Variants in VPS13B observed in about 807,000 individuals in gnomAD.
VPS13B encodes the protein vacuolar protein sorting 13 homolog B, also known as intermembrane lipid transfer protein VPS13B.
A neutral mutation model predicts 426.4 loss-of-function variants in VPS13B; 285 were observed. That is an observed-to-expected ratio of 0.67 (90% CI 0.61 to 0.74). The LOEUF (loss-of-function observed/expected upper bound fraction) is 0.74. Ranked by LOEUF, VPS13B falls within the 30% of genes least tolerant of loss-of-function variation. The pLI is 0.00. For missense variants in VPS13B, 4,537 were observed against 4,782.6 expected, an observed-to-expected ratio of 0.95 and a Z score of 1.51; for synonymous variants, 1,676 against 1,676.4, an observed-to-expected ratio of 1.00 and a Z score of 0.01.
rs118158347 is a variant in VPS13B at position 99,467,484 on chromosome 8, A to G, written c.3516A>G (p.Thr1172=). Residue 1172 remains threonine (T), a synonymous_variant, in exon 24 of 62, where the codon ACA becomes ACG. Coordinates refer to ENST00000357162, the MANE Select transcript of VPS13B (RefSeq NM_152564.5). Reference sequence around the variant, plus strand: ...ATACCCTTCTTGGAAAACAAGTGACACTTTGCCTAGTGGAACCTATGGGTT... The same window carrying G: ...ATACCCTTCTTGGAAAACAAGTGACGCTTTGCCTAGTGGAACCTATGGGTT... ...SIYTLLGKQV[T]LCLVEPMGCT... The G allele has an allele frequency of 1.7e-3, 2,709 of 1,613,748 alleles. 4 individuals are homozygous for G. Among genetic ancestry groups the G allele is most frequent in the Non-Finnish European group, 2.2e-3 (2,589 of 1,179,782 alleles).
In VPS13B at chr8:99,144,734, G is replaced by A. The variant is rs572216501; in HGVS notation, c.1843+1569G>A. Among the ~76,000 whole-genome samples, 12 of 152,246 alleles carry A rather than the reference G, an allele frequency of 7.9e-5. No homozygotes were observed. In the South Asian group the frequency reaches 2.5e-3, roughly 32 times the overall value. On this transcript the variant is annotated intron_variant, in intron 13 of 61. Coordinates refer to ENST00000357162, the MANE Select transcript of VPS13B (RefSeq NM_152564.5). The stretch of plus-strand genomic sequence containing the variant: ...CTACCCTGTGCCAGACATTCTTTAT[G>A]TGCTAGGATAGTATAGCAAACAAGA...
chr8:99,568,053 A>G (rs1382480264), intron 31 of VPS13B, among the ~76,000 whole-genome samples: 2 of 152,132 alleles, frequency 1.3e-5, no homozygotes, highest in Non-Finnish European at 2.9e-5. Context: ...GTGTTTTAGG[A>G]AGAGCAAAGA....
At chr8:99,477,309 A>G (rs1819749083) in intron 24 of VPS13B, among the ~76,000 whole-genome samples, 1 of 152,164 alleles carries the variant, frequency 6.6e-6, no homozygotes, top group African/African-American at 2.4e-5. Context: ...ATGTCTCAGA[A>G]TTTCTTTCTT....
chr8:99,245,876 A>G (rs542252755), intron 17 of VPS13B, among the ~76,000 whole-genome samples: 34 of 152,322 alleles, frequency 2.2e-4, no homozygotes, highest in African/African-American at 6.3e-4. Context: ...ACAAAGCGGT[A>G]TGATTATTTT....
chr8:99,797,096 A>G (rs1812874180), intron 43 of VPS13B: 2 of 152,182 alleles, frequency 1.3e-5, no homozygotes, highest in African/African-American at 4.8e-5. Context: ...ATGAAGATGG[A>G]CATGAATATG....
At chr8:99,170,254 T>G (rs1269228721) in intron 16 of VPS13B, 91 bp downstream of exon 16, 5 of 1,476,066 alleles carry the variant, frequency 3.4e-6, no homozygotes, top group Non-Finnish European at 4.6e-6. Flanking sequence ...ATGCCCATGC[T>G]AGTTTTATAC....
At chr8:99,256,433 A>T (rs981851409) in intron 17 of VPS13B, among the ~76,000 whole-genome samples, 1 of 152,198 alleles carries the variant, frequency 6.6e-6, no homozygotes, top group African/African-American at 2.4e-5. Flanking sequence ...TTGCTGGATC[A>T]TATGGTAGTT....
chr8:99,229,845 C>T (rs1400969590), intron 17 of VPS13B, among the ~76,000 whole-genome samples: 7 of 152,118 alleles, frequency 4.6e-5, no homozygotes, highest in Non-Finnish European at 1.5e-5. Flanking sequence ...GGGTTTCAAC[C>T]AAAGGAGTGA....
chr8:99,655,316 TA>T (rs1829983125), intron 34 of VPS13B, among the ~76,000 whole-genome samples: 1 of 152,226 alleles, frequency 6.6e-6, no homozygotes, highest in Non-Finnish European at 1.5e-5. Context: ...CACTGAATCT[TA>T]AAAAGCCAAG....
chr8:99,266,271 G>T (rs983849226), intron 17 of VPS13B, among the ~76,000 whole-genome samples: 2 of 151,940 alleles, frequency 1.3e-5, no homozygotes, highest in Non-Finnish European at 2.9e-5. Context: ...AAAAACAGGT[G>T]TGATAGAGTA....
chr8:99,115,875 G>A lies in VPS13B; in HGVS notation c.937+1G>A. The A allele has an allele frequency of 6.2e-7, 1 of 1,611,394 alleles. No individual in the cohort carries two copies. The highest frequency in any genetic ancestry group is 8.5e-7 in the Non-Finnish European group (1 of 1,179,206). ...AAAGATATGCTAGGAAACATTACAG[G>A]TAATGTAAAACTTTATTAAACAAAA... On this transcript the variant is annotated splice_donor_variant, in intron 7 of 61. Transcript: ENST00000357162. LOFTEE classifies it high-confidence loss of function.
chr8:99,833,302 A>G (rs1363071779), intron 52 of VPS13B, among the ~76,000 whole-genome samples: 1 of 152,214 alleles, frequency 6.6e-6, no homozygotes, highest in African/African-American at 2.4e-5. Flanking sequence ...TTGCATGTAA[A>G]ATGTCCCTTC....
At chr8:99,126,196 G>A (rs1588066470) in intron 8 of VPS13B, among the ~76,000 whole-genome samples, 4 of 152,204 alleles carry the variant, frequency 2.6e-5, no homozygotes, top group African/African-American at 2.4e-5. Context: ...AGGTGATAGC[G>A]GTTTTTGAAA....
chr8:99,135,616 T>C lies in VPS13B; in HGVS notation c.1446T>C (p.Cys482=). The C allele has an allele frequency of 2.5e-6, 4 of 1,613,350 alleles. No homozygotes were observed. The highest frequency in any genetic ancestry group is 3.4e-6 in the Non-Finnish European group (4 of 1,179,478). ...TTCAGGAAGCCTGTTTCTTCATTTG[T>C]GGTGACAATTTGAGTACGAAAGGTT... ...RSETEACFFI[C]GDNLSTKGFT... Residue 482 remains cysteine (C), a synonymous_variant, in exon 11 of 62, where the codon TGT becomes TGC. Transcript: ENST00000357162.
intron 5 of VPS13B, among the ~76,000 whole-genome samples, chr8:99,104,339 A>G (rs925515959): frequency 5.9e-5 from 9 of 152,240 alleles, no homozygotes; most frequent in African/African-American, 2.2e-4. Flanking sequence ...ATTGTTATGC[A>G]GTGCATGACT....
chr8:99,366,213 T>A (rs1812878464), intron 19 of VPS13B, among the ~76,000 whole-genome samples: 1 of 152,186 alleles, frequency 6.6e-6, no homozygotes, highest in Non-Finnish European at 1.5e-5. Context: ...CTACCTTTTA[T>A]TGTGTTGGGG....
At chr8:99,257,453 C>G (rs755465449) in intron 17 of VPS13B, among the ~76,000 whole-genome samples, 2 of 152,056 alleles carry the variant, frequency 1.3e-5, no homozygotes, top group African/African-American at 2.4e-5. Flanking sequence ...GTGAGTTAAA[C>G]TAAAGAAAGG....
At chr8:99,725,691 G>T (rs1833318112) in intron 39 of VPS13B, among the ~76,000 whole-genome samples, 1 of 152,200 alleles carries the variant, frequency 6.6e-6, no homozygotes, top group Non-Finnish European at 1.5e-5. Flanking sequence ...TCATTCAAAA[G>T]TATTACATTA....
intron 30 of VPS13B, among the ~76,000 whole-genome samples, chr8:99,539,817 T>C (rs895256659): frequency 6.6e-6 from 1 of 151,348 alleles, no homozygotes; most frequent in African/African-American, 2.4e-5. Flanking sequence ...TAAGTATTGA[T>C]GCTAACTTAT....
Sources: gnomAD v4.1 joint callset for allele counts (sites outside exome capture counted in the v4.1 genomes callset) on GRCh38, gnomAD v4.1.1 for gene constraint, MANE v1.5 for transcripts, NCBI Gene and HGNC (gene_info 2026-07-23, HGNC 2026-07-21) for gene names.